DNAL1: variants seen among roughly 807,000 people sequenced by gnomAD.
The protein encoded by DNAL1 is dynein axonemal light chain 1.
A neutral mutation model predicts 29.4 loss-of-function variants in DNAL1; 17 were observed. The ratio of observed to expected loss-of-function variants is 0.58; its 90% CI spans 0.40 to 0.87. The LOEUF (loss-of-function observed/expected upper bound fraction) is 0.87. DNAL1 is among the 40% of genes least tolerant of loss of function. The pLI is 0.00. For missense variants in DNAL1, 188 were observed against 214.1 expected (o/e 0.88, Z 0.76); for synonymous variants, 78 against 76.3 (o/e 1.02, Z -0.12).
At chr14:73,646,568 C>T (rs752723712) in intron 1 of DNAL1, among the ~76,000 whole-genome samples, 1 of 152,088 alleles carries the variant, frequency 6.6e-6, no homozygotes, top group Non-Finnish European at 1.5e-5. Context: ...TCAAGATCCA[C>T]CTGGCCAACA....
At chr14:73,676,838 G>A (rs760185509) in intron 5 of DNAL1, among the ~76,000 whole-genome samples, 2 of 151,754 alleles carry the variant, frequency 1.3e-5, no homozygotes, top group African/African-American at 2.4e-5. Context: ...GGATATTTTT[G>A]TGCCTTTAAA....
At chr14:73,656,912 CATT>C (rs1213589990) in intron 2 of DNAL1, among the ~76,000 whole-genome samples, 2 of 151,634 alleles carry the variant, frequency 1.3e-5, no homozygotes, top group African/African-American at 2.4e-5. Context: ...TATTTTCTAT[CATT>C]ATTATTATTT....
intron 7 of DNAL1, among the ~76,000 whole-genome samples, chr14:73,693,315 T>C (rs141473883): frequency 3.0e-3 from 459 of 152,274 alleles, no homozygotes; most frequent in African/African-American, 0.011. Context: ...GCAATTTCCC[T>C]CCTAACTACA....
At chr14:73,679,349 AC>A (rs1891820332) in intron 5 of DNAL1, among the ~76,000 whole-genome samples, 1 of 151,856 alleles carries the variant, frequency 6.6e-6, no homozygotes, top group Admixed American at 6.6e-5. Flanking sequence ...CATTTTTAAT[AC>A]TCTTTCTGTT....
At chr14:73,695,192 G>A (rs1892274052) in intron 7 of DNAL1, among the ~76,000 whole-genome samples, 1 of 150,970 alleles carries the variant, frequency 6.6e-6, no homozygotes, top group Non-Finnish European at 1.5e-5. Flanking sequence ...AGTAGTTGAA[G>A]ACTACAGGCT....
intron 1 of DNAL1, among the ~76,000 whole-genome samples, chr14:73,653,871 G>A (rs545946714): frequency 4.6e-5 from 7 of 152,158 alleles, no homozygotes; most frequent in African/African-American, 1.7e-4. Flanking sequence ...TTGAATCTAA[G>A]CTGCTATTAA....
intron 6 of DNAL1, among the ~76,000 whole-genome samples, chr14:73,688,154 T>A (rs961344740): frequency 6.6e-6 from 1 of 152,192 alleles, no homozygotes; most frequent in Admixed American, 6.5e-5. Context: ...TTATTTGATA[T>A]CTATGTTACT....
At chr14:73,650,879 C>G (rs1384554084) in intron 1 of DNAL1, among the ~76,000 whole-genome samples, 2 of 152,106 alleles carry the variant, frequency 1.3e-5, no homozygotes, top group Admixed American at 6.6e-5. Flanking sequence ...TGGGCTCCAG[C>G]AGTCCTTCTG....
intron 6 of DNAL1, 44 bp downstream of exon 6, chr14:73,687,429 A>G: frequency 6.7e-7 from 1 of 1,486,092 alleles, no homozygotes. Context: ...CCGCCTGTTT[A>G]TAGAAAATAG....
At chr14:73,683,106 C>T (rs764036125) in intron 5 of DNAL1, among the ~76,000 whole-genome samples, 2 of 152,010 alleles carry the variant, frequency 1.3e-5, no homozygotes, top group South Asian at 4.1e-4. Flanking sequence ...GAACTCCCTA[C>T]CTTAGGTGAT....
intron 4 of DNAL1, among the ~76,000 whole-genome samples, chr14:73,663,769 A>G (rs1891410565): frequency 6.6e-6 from 1 of 152,198 alleles, no homozygotes. Flanking sequence ...TAATGAGTGA[A>G]AAAAGAAAGC....
chr14:73,645,668 C>T (rs929662513), intron 1 of DNAL1, among the ~76,000 whole-genome samples: 1 of 152,128 alleles, frequency 6.6e-6, no homozygotes, highest in Non-Finnish European at 1.5e-5. Context: ...CGACAACACA[C>T]CTCAAGTGAT....
At chr14:73,662,136 GT>G in intron 4 of DNAL1, 94 bp downstream of exon 4, 1 of 1,077,428 alleles carries the variant, frequency 9.3e-7, no homozygotes. Context: ...GCTGGCACCT[GT>G]TTTAGCCATA....
In DNAL1 at chr14:73,695,929, A is replaced by G; in HGVS notation, c.560A>G (p.Glu187Gly). The change falls in exon 8 of 8, where the codon GAA becomes GGA. Residue 187 changes from glutamate (E) to glycine (G), a missense_variant. Coordinates refer to ENST00000553645, the MANE Select transcript of DNAL1 (RefSeq NM_031427.4). ...DGTPVIKGDE[E>G]EDN The stretch of plus-strand genomic sequence containing the variant: ...ACTCCAGTAATTAAAGGGGATGAGG[A>G]AGAAGACAACTAATGCCACGCTTTC... The G allele has an allele frequency of 6.3e-7, 1 of 1,590,320 alleles. No individual in the cohort carries two copies.
Position 73,661,978 on chromosome 14 carries a change from C to G in DNAL1, c.153-9C>G, listed in dbSNP as rs370703293. On this transcript the variant is annotated splice_polypyrimidine_tract_variant and intron_variant, in intron 3 of 7. Transcript: ENST00000553645. Reference sequence around the variant, plus strand: ...TTTCACATTAAATTTTTTCTTTGTTCTTTTAAAGGAAGCTTTCACTGTCTA... The same window carrying G: ...TTTCACATTAAATTTTTTCTTTGTTGTTTTAAAGGAAGCTTTCACTGTCTA... 8 of 1,534,748 alleles carry G rather than the reference C, an allele frequency of 5.2e-6. No individual in the cohort carries two copies. In the African/African-American group the frequency reaches 8.3e-5, roughly 16 times the overall value.
intron 5 of DNAL1, among the ~76,000 whole-genome samples, chr14:73,682,337 A>ATTT (rs57403758): frequency 2.8e-4 from 26 of 93,406 alleles, no homozygotes; most frequent in African/African-American, 5.0e-4. Flanking sequence ...TGCCTGGCTA[A>ATTT]TTTTTTTTTT....
rs1356402882 is a variant in DNAL1, at chr14:73,702,953, A to G, written c.*7011A>G. 1 of 152,026 alleles carries G rather than the reference A, an allele frequency of 6.6e-6. No homozygotes were observed. Among genetic ancestry groups the G allele is most frequent in the Non-Finnish European group, 1.5e-5 (1 of 68,048 alleles). The allele number at this position is 152,026 out of a possible 1,614,324, so 9.4% of individuals were successfully genotyped here. On this transcript the variant is annotated 3_prime_UTR_variant, in exon 8 of 8. Coordinates refer to ENST00000553645, the MANE Select transcript of DNAL1 (RefSeq NM_031427.4). ...CGTGAGACCCCATCTCTACAAAAAA[A>G]AAAAAAGAAAAAAAAAATTAGTTGG...
intron 2 of DNAL1, among the ~76,000 whole-genome samples, chr14:73,657,542 A>C (rs1180200354): frequency 6.6e-6 from 1 of 152,114 alleles, no homozygotes; most frequent in Non-Finnish European, 1.5e-5. Context: ...ATTTTCCCCC[A>C]TTCAACAGGT....
At chr14:73,648,868 A>G (rs1371755483) in intron 1 of DNAL1, among the ~76,000 whole-genome samples, 2 of 151,038 alleles carry the variant, frequency 1.3e-5, no homozygotes, top group African/African-American at 4.9e-5. Flanking sequence ...TGTTGAAAAT[A>G]TCTTCTCTCG....
Sources: allele counts gnomAD v4.1 joint callset (sites outside exome capture counted in the v4.1 genomes callset), GRCh38; gene constraint gnomAD v4.1.1; transcripts MANE v1.5; gene names NCBI Gene and HGNC (gene_info 2026-07-23, HGNC 2026-07-21).